Variants in ADGRF3 observed in about 807,000 individuals in gnomAD.
ADGRF3 encodes the protein G protein-coupled receptor 113.
A neutral mutation model predicts 93.2 loss-of-function variants in ADGRF3; 85 were observed. That is an observed-to-expected ratio of 0.91 (90% CI 0.77 to 1.09). The LOEUF (loss-of-function observed/expected upper bound fraction) is 1.09, where lower values mean the gene tolerates loss of function less well. Among genes scored for constraint, ADGRF3 ranks in the 50% least tolerant of loss-of-function variants. The pLI is 0.00. For synonymous variants in ADGRF3, 534 were observed against 532.5 expected (o/e 1.00, Z -0.04); for missense variants, 1,125 against 1,246.2 (o/e 0.90, Z 1.46).
chr2:26,312,748 C>T (rs1292090313), intron 9 of ADGRF3, among the ~76,000 whole-genome samples, 195 bp downstream of exon 9: 1 of 152,204 alleles, frequency 6.6e-6, no homozygotes, highest in Non-Finnish European at 1.5e-5. Flanking sequence ...GTGCTCCCAG[C>T]GCCAGGCCTC....
intron 1 of ADGRF3, among the ~76,000 whole-genome samples, chr2:26,342,086 C>A (rs1676431253): frequency 1.3e-5 from 2 of 150,252 alleles, no homozygotes; most frequent in Admixed American, 1.3e-4. Context: ...AAAAAAACAA[C>A]TGACTTGTGA....
intron 1 of ADGRF3, among the ~76,000 whole-genome samples, chr2:26,340,984 A>G (rs1416272243): frequency 6.6e-6 from 1 of 152,168 alleles, no homozygotes; most frequent in African/African-American, 2.4e-5. Context: ...CTCTTGCCTC[A>G]TATCACACTG....
In ADGRF3 at chr2:26,314,541, A is replaced by G. The variant is rs1674484470; in HGVS notation, c.801T>C (p.Asp267=). 1.2e-6 allele frequency: 2 copies of G among 1,614,050 alleles called. No individual in the cohort carries two copies. Among genetic ancestry groups the G allele is most frequent in the Non-Finnish European group, 8.5e-7 (1 of 1,179,898 alleles). ...ACAGCTGGTATGGAAGTCGAGCCACATCTGTCGCCTTCAAGGGCACCCTCA... is the reference window on the plus strand; with the variant it reads ...ACAGCTGGTATGGAAGTCGAGCCACGTCTGTCGCCTTCAAGGGCACCCTCA... ...EVVRVPLKAT[D]VARLPYQLSI... The change falls in exon 6 of 14, where the codon GAT becomes GAC. Residue 267 remains aspartate, a synonymous_variant. Transcript: ENST00000651242.
At chr2:26,322,847 C>G (rs1675232667) in intron 1 of ADGRF3, among the ~76,000 whole-genome samples, 1 of 152,092 alleles carries the variant, frequency 6.6e-6, no homozygotes, top group Non-Finnish European at 1.5e-5. Flanking sequence ...AATATCATAT[C>G]TGGCTGGGTG....
intron 5 of ADGRF3, 24 bp from the exon 6 acceptor site, chr2:26,314,647 T>C (rs2147876972): frequency 6.3e-7 from 1 of 1,594,834 alleles, no homozygotes; most frequent in Non-Finnish European, 8.6e-7. Flanking sequence ...TGTGCGGCGC[T>C]ATGTGGCTCC....
Position 26,314,421 on chromosome 2 carries a change from G to C in ADGRF3, c.921C>G (p.Gly307=). 1.2e-6 allele frequency: 2 copies of C among 1,613,040 alleles called. No homozygotes were observed. The highest frequency in any genetic ancestry group is 1.7e-6 in the Non-Finnish European group (2 of 1,179,518). The change falls in exon 6 of 14, where the codon GGC becomes GGG. Residue 307 remains glycine (G), a synonymous_variant. Transcript: ENST00000651242. ...GCTGGCCCCTTCTCATACCTTTGCT[G>C]CCCTCTCCAGGGCTCCAGGCCGCGG... The part of the protein sequence containing the change: ...AYTAAWSPGE[G]SKASSFNESG...
chr2:26,342,729 G>A (rs1676463633), intron 1 of ADGRF3, among the ~76,000 whole-genome samples: 1 of 152,230 alleles, frequency 6.6e-6, no homozygotes, highest in Non-Finnish European at 1.5e-5. Context: ...AATGTGGCGT[G>A]TAGAGCACAG....
intron 1 of ADGRF3, among the ~76,000 whole-genome samples, chr2:26,342,587 T>C (rs969499346): frequency 2.6e-5 from 4 of 152,232 alleles, no homozygotes; most frequent in Non-Finnish European, 4.4e-5. Flanking sequence ...CTAGCACGAA[T>C]TGATATTTTC....
intron 10 of ADGRF3, 144 bp from the exon 11 acceptor site, chr2:26,310,381 T>C: frequency 1.1e-6 from 1 of 878,740 alleles, no homozygotes; most frequent in Non-Finnish European, 1.7e-6. Context: ...ATAGGATCCA[T>C]TTCAGGTGCT....
chr2:26,313,925 G>A (rs1279532541), intron 6 of ADGRF3, 22 bp from the exon 7 acceptor site: 5 of 1,613,334 alleles, frequency 3.1e-6, no homozygotes, highest in Non-Finnish European at 4.2e-6. Context: ...ACGAAGAAGG[G>A]AACTGTCATT....
At position 26,310,110 on chromosome 2, in the gene ADGRF3, G is replaced by A. The variant is rs200193423; in HGVS notation, c.2875-5C>T. The A allele has an allele frequency of 6.1e-5, 99 of 1,614,054 alleles. 1 individual carries two copies. The East Asian group carries it at 1.4e-3, about 23-fold the overall frequency. Reference sequence around the variant, plus strand: ...TTTGCGCAAAGCTTCTTGTATCTGCGGGAGAGGTAAATGCTCTGCTTATGC... The same window carrying A: ...TTTGCGCAAAGCTTCTTGTATCTGCAGGAGAGGTAAATGCTCTGCTTATGC... On this transcript the variant is annotated splice_region_variant and splice_polypyrimidine_tract_variant and intron_variant, in intron 11 of 13. Transcript: ENST00000651242.
intron 1 of ADGRF3, among the ~76,000 whole-genome samples, chr2:26,318,281 T>C (rs1435892296): frequency 1.3e-5 from 2 of 152,152 alleles, no homozygotes; most frequent in Non-Finnish European, 1.5e-5. Flanking sequence ...GATATTGATA[T>C]AGATACGAGT....
At chr2:26,315,852 C>A in intron 4 of ADGRF3, 112 bp from the exon 5 acceptor site, 1 of 1,450,216 alleles carries the variant, frequency 6.9e-7, no homozygotes, top group Non-Finnish European at 9.2e-7. Flanking sequence ...ACACTCCCTC[C>A]CTAGCTTTTT....
At chr2:26,316,565 A>C (rs1674695206) in intron 3 of ADGRF3, 117 bp from the exon 4 acceptor site, 1 of 1,054,262 alleles carries the variant, frequency 9.5e-7, no homozygotes, top group African/African-American at 1.6e-5. Flanking sequence ...ACCAATCCCC[A>C]AGCTACAGGT....
At position 26,315,668 on chromosome 2, in the gene ADGRF3, C is replaced by T; in HGVS notation, c.572G>A (p.Ser191Asn). The change falls in exon 5 of 14, where the codon AGC becomes AAC. Residue 191 changes from serine to asparagine, a missense_variant. By Grantham distance (46) the Ser-to-Asn change is conservative (BLOSUM62 1). Transcript: ENST00000651242. ...GDTLSLTLHL[S>N]QEATNLSWFL... ...CCAGCTCAGGTTGGTGGCCTCCTGGCTCAGATGGAGAGTCAGGCTCAGCGT... is the reference window on the plus strand; with the variant it reads ...CCAGCTCAGGTTGGTGGCCTCCTGGTTCAGATGGAGAGTCAGGCTCAGCGT... 1 of 1,551,572 alleles carries T rather than the reference C, an allele frequency of 6.4e-7. No homozygotes were observed. Among genetic ancestry groups the T allele is most frequent in the Non-Finnish European group, 8.7e-7 (1 of 1,146,992 alleles).
At chr2:26,318,048 G>A (rs779452832) in intron 1 of ADGRF3, 1 of 1,551,472 alleles carries the variant, frequency 6.4e-7, no homozygotes, top group African/African-American at 1.4e-5. Context: ...GGAGGTCTGG[G>A]CCCACATTGT....
At chr2:26,345,948 C>A in intron 1 of ADGRF3, 173 bp downstream of exon 1, 1 of 637,318 alleles carries the variant, frequency 1.6e-6, no homozygotes, top group Non-Finnish European at 2.7e-6. Flanking sequence ...CTTAGTGTTG[C>A]CTGATCCACG....
chr2:26,343,881 T>C (rs749816553), intron 1 of ADGRF3, among the ~76,000 whole-genome samples: 25 of 152,236 alleles, frequency 1.6e-4, no homozygotes, highest in Non-Finnish European at 3.2e-4. Flanking sequence ...GAATTTATAA[T>C]TGATTCAAAC....
chr2:26,337,941 T>C (rs1676147372), intron 1 of ADGRF3, among the ~76,000 whole-genome samples: 1 of 152,108 alleles, frequency 6.6e-6, no homozygotes, highest in African/African-American at 2.4e-5. Context: ...GAGAATCACT[T>C]GAACCCAGGA....
Sources: gnomAD v4.1 joint callset for allele counts (sites outside exome capture counted in the v4.1 genomes callset) on GRCh38, gnomAD v4.1.1 for gene constraint, MANE v1.5 for transcripts, NCBI Gene and HGNC (gene_info 2026-07-23, HGNC 2026-07-21) for gene names.